CCDC85A: variants seen among roughly 807,000 people sequenced by gnomAD.
CCDC85A encodes the protein coiled-coil domain-containing protein 85A.
A neutral mutation model predicts 50.2 loss-of-function variants in CCDC85A; 38 were observed. That is an observed-to-expected ratio of 0.76 (90% CI 0.58 to 0.99). The LOEUF is 0.99. CCDC85A is among the 50% of genes least tolerant of loss of function. CCDC85A has a pLI of 0.00. For synonymous variants in CCDC85A, 366 were observed against 301.4 expected, an observed-to-expected ratio of 1.21 and a Z score of -2.22; for missense variants, 820 against 742.0, an observed-to-expected ratio of 1.11 and a Z score of -1.22.
intron 2 of CCDC85A, among the ~76,000 whole-genome samples, chr2:56,302,992 G>A (rs148767608): frequency 6.6e-6 from 1 of 152,144 alleles, no homozygotes; most frequent in Non-Finnish European, 1.5e-5. Flanking sequence ...TCAGTGTCAT[G>A]CCTGGCTCCA....
At chr2:56,304,604 A>T (rs576470067) in intron 2 of CCDC85A, among the ~76,000 whole-genome samples, 2 of 152,322 alleles carry the variant, frequency 1.3e-5, no homozygotes, top group African/African-American at 4.8e-5. Flanking sequence ...ACTGAGAAAT[A>T]TTGAAATAGT....
intron 3 of CCDC85A, among the ~76,000 whole-genome samples, chr2:56,358,407 T>C (rs6754142): frequency 0.15 from 23,215 of 152,230 alleles, 1,973 homozygotes; most frequent in African/African-American, 0.23. Context: ...TCTGGTTCAT[T>C]TACTGCTTCC....
intron 2 of CCDC85A, among the ~76,000 whole-genome samples, chr2:56,218,702 A>G (rs958828087): frequency 6.6e-6 from 1 of 151,792 alleles, no homozygotes; most frequent in Non-Finnish European, 1.5e-5. Flanking sequence ...AGACTACCCT[A>G]TCATCATCTA....
At chr2:56,263,703 G>C (rs536876525) in intron 2 of CCDC85A, among the ~76,000 whole-genome samples, 1 of 152,206 alleles carries the variant, frequency 6.6e-6, no homozygotes, top group Non-Finnish European at 1.5e-5. Flanking sequence ...CTATAGTAGA[G>C]AGCATGGCTC....
chr2:56,356,288 G>C (rs746174779), intron 3 of CCDC85A, among the ~76,000 whole-genome samples: 16 of 152,148 alleles, frequency 1.1e-4, no homozygotes, highest in Non-Finnish European at 5.9e-5. Flanking sequence ...AAGCAAAGGG[G>C]CCTTTATCAA....
chr2:56,363,545 C>G (rs770480379), intron 3 of CCDC85A, among the ~76,000 whole-genome samples: 1 of 152,196 alleles, frequency 6.6e-6, no homozygotes, highest in Non-Finnish European at 1.5e-5. Context: ...CTTGTCTTGA[C>G]TTTCCCATTT....
intron 2 of CCDC85A, among the ~76,000 whole-genome samples, chr2:56,278,586 T>A (rs745818954): frequency 2.0e-4 from 30 of 152,118 alleles, no homozygotes; most frequent in Non-Finnish European, 3.4e-4. Flanking sequence ...TATTATTATT[T>A]TTTTGGAGAT....
At chr2:56,326,176 G>C (rs1023884985) in intron 2 of CCDC85A, among the ~76,000 whole-genome samples, 1 of 151,988 alleles carries the variant, frequency 6.6e-6, no homozygotes, top group African/African-American at 2.4e-5. Context: ...GCACACCTCA[G>C]GTTAAGTCCA....
At chr2:56,292,223 C>T (rs1032923149) in intron 2 of CCDC85A, among the ~76,000 whole-genome samples, 4 of 152,120 alleles carry the variant, frequency 2.6e-5, no homozygotes, top group African/African-American at 4.8e-5. Context: ...GCTGGGACTA[C>T]AGGCAACCAC....
intron 2 of CCDC85A, among the ~76,000 whole-genome samples, chr2:56,239,202 G>A (rs1669150680): frequency 6.6e-6 from 1 of 152,160 alleles, no homozygotes; most frequent in Admixed American, 6.5e-5. Flanking sequence ...TGACTGCAGA[G>A]TTTGCACAGT....
chr2:56,206,611 G>T (rs1295690982), intron 2 of CCDC85A, among the ~76,000 whole-genome samples: 1 of 152,064 alleles, frequency 6.6e-6, no homozygotes, highest in Non-Finnish European at 1.5e-5. Context: ...CCACTCCCAT[G>T]ATAACAATAT....
intron 2 of CCDC85A, among the ~76,000 whole-genome samples, chr2:56,295,121 A>C (rs1275382853): frequency 6.8e-6 from 1 of 148,006 alleles, no homozygotes; most frequent in African/African-American, 2.6e-5. Flanking sequence ...TGAATGGACC[A>C]GTTGTTTTGG....
At chr2:56,307,130 AATAGAAACAAGCCTTTAT>A (rs1227694850) in intron 2 of CCDC85A, among the ~76,000 whole-genome samples, 4 of 152,214 alleles carry the variant, frequency 2.6e-5, no homozygotes, top group Non-Finnish European at 5.9e-5. Context: ...CTATGCTTTG[AATAGAAACAAGCCTTTAT>A]ATAGAAATTG....
intron 2 of CCDC85A, among the ~76,000 whole-genome samples, chr2:56,336,476 T>A (rs116791167): frequency 0.011 from 1,653 of 152,262 alleles, 28 homozygotes; most frequent in African/African-American, 0.037. Context: ...CTCTTAAAAA[T>A]GCTGTAGTTT....
chr2:56,321,382 A>G (rs1673177137), intron 2 of CCDC85A, among the ~76,000 whole-genome samples: 1 of 152,168 alleles, frequency 6.6e-6, no homozygotes, highest in Admixed American at 6.5e-5. Flanking sequence ...GATTGTATAT[A>G]TTTAGAAAAC....
chr2:56,363,820 C>T (rs1347138972), intron 3 of CCDC85A, among the ~76,000 whole-genome samples: 1 of 152,194 alleles, frequency 6.6e-6, no homozygotes, highest in Non-Finnish European at 1.5e-5. Flanking sequence ...AGCATTACTT[C>T]TTTGCCATTG....
chr2:56,282,970 A>G (rs1671272641), intron 2 of CCDC85A, among the ~76,000 whole-genome samples: 1 of 152,198 alleles, frequency 6.6e-6, no homozygotes, highest in Non-Finnish European at 1.5e-5. Flanking sequence ...CTTCTAGTAT[A>G]TAGAAATACA....
At chr2:56,323,275 C>G (rs1673303092) in intron 2 of CCDC85A, among the ~76,000 whole-genome samples, 2 of 151,858 alleles carry the variant, frequency 1.3e-5, no homozygotes, top group Non-Finnish European at 2.9e-5. Flanking sequence ...CACATGTGCT[C>G]TAGAACTTAA....
chr2:56,259,358 A>G (rs1212969069), intron 2 of CCDC85A, among the ~76,000 whole-genome samples: 1 of 152,162 alleles, frequency 6.6e-6, no homozygotes, highest in Non-Finnish European at 1.5e-5. Context: ...AGCTGTGACC[A>G]AGGAGCCAAT....
Sources: allele counts gnomAD v4.1 joint callset (sites outside exome capture counted in the v4.1 genomes callset), GRCh38; gene constraint gnomAD v4.1.1; transcripts MANE v1.5; gene names NCBI Gene and HGNC (gene_info 2026-07-23, HGNC 2026-07-21).